LRBA: variants seen among roughly 807,000 people sequenced by gnomAD.
The protein encoded by LRBA is lipopolysaccharide-responsive and beige-like anchor protein.
A neutral mutation model predicts 330.0 loss-of-function variants in LRBA; 176 were observed. The observed-to-expected ratio is 0.53, with a 90% CI of 0.47 to 0.60. The LOEUF is 0.60. Ranked by LOEUF, LRBA falls within the 20% of genes least tolerant of loss-of-function variation. LRBA has a pLI of 0.00. For synonymous variants in LRBA, 1,230 were observed against 1,193.0 expected (o/e 1.03, Z -0.64); for missense variants, 3,259 against 3,444.8 (o/e 0.95, Z 1.35).
At position 150,665,370 on chromosome 4, in the gene LRBA, A is replaced by C. The variant is rs990627467; in HGVS notation, c.5921+18181T>G. Among the ~76,000 whole-genome samples the C allele has an allele frequency of 3.9e-5, 6 of 152,152 alleles. No individual in the cohort carries two copies. The South Asian group carries it at 1.2e-3, about 32-fold the overall frequency. On this transcript the variant is annotated intron_variant, in intron 37 of 56. Transcript: ENST00000651943. ...CCACTCATCATTTATGTAAAGTTCT[A>C]TATCAGTGTAGGGACCTGTTTACTA...
At chr4:150,563,870 C>T (rs1768751303) in intron 40 of LRBA, among the ~76,000 whole-genome samples, 1 of 152,100 alleles carries the variant, frequency 6.6e-6, no homozygotes, top group South Asian at 2.1e-4. Flanking sequence ...AATCACTGTT[C>T]AGTGAAATAA....
intron 33 of LRBA, among the ~76,000 whole-genome samples, chr4:150,800,687 T>A (rs1349044489): frequency 6.6e-6 from 1 of 152,120 alleles, no homozygotes; most frequent in Non-Finnish European, 1.5e-5. Flanking sequence ...CCTATTACTG[T>A]CTCAATCAAA....
At chr4:150,499,015 A>G (rs1453724442) in intron 40 of LRBA, among the ~76,000 whole-genome samples, 2 of 152,186 alleles carry the variant, frequency 1.3e-5, no homozygotes, top group Non-Finnish European at 2.9e-5. Flanking sequence ...ATAAATATGC[A>G]TATAACTTAT....
intron 46 of LRBA, chr4:150,423,527 A>C (rs1191283108): frequency 2.4e-5 from 11 of 450,798 alleles, no homozygotes; most frequent in Middle Eastern, 1.2e-3. Flanking sequence ...GGAGCCACAG[A>C]GACTGGAGGC....
intron 29 of LRBA, among the ~76,000 whole-genome samples, chr4:150,828,925 GTGTGT>G (rs1560878395): frequency 7.9e-4 from 85 of 107,968 alleles, no homozygotes; most frequent in African/African-American, 4.0e-3. Flanking sequence ...TTTTGGGGGT[GTGTGT>G]GTGTGTGTGT....
intron 26 of LRBA, among the ~76,000 whole-genome samples, chr4:150,846,268 C>T (rs1749826145): frequency 6.6e-6 from 1 of 151,904 alleles, no homozygotes; most frequent in Non-Finnish European, 1.5e-5. Context: ...TGGGGGCTCA[C>T]ATCTGTAATC....
At chr4:150,356,902 G>A (rs1327467757) in intron 47 of LRBA, among the ~76,000 whole-genome samples, 3 of 151,992 alleles carry the variant, frequency 2.0e-5, no homozygotes, top group African/African-American at 4.8e-5. Context: ...AATTTTGAGA[G>A]CTTAAAAATA....
At chr4:150,324,407 G>A (rs540021240) in intron 49 of LRBA, among the ~76,000 whole-genome samples, 14 of 152,156 alleles carry the variant, frequency 9.2e-5, no homozygotes, top group African/African-American at 3.1e-4. Flanking sequence ...CACTCTTCAC[G>A]TTCATCTAAA....
chr4:150,783,759 T>G (rs1738611459), intron 34 of LRBA, among the ~76,000 whole-genome samples: 2 of 152,224 alleles, frequency 1.3e-5, no homozygotes, highest in Non-Finnish European at 2.9e-5. Context: ...TCTGGTTAAC[T>G]ACCTAGAAGA....
At chr4:150,780,584 T>G (rs1385121109) in intron 34 of LRBA, among the ~76,000 whole-genome samples, 2 of 150,670 alleles carry the variant, frequency 1.3e-5, no homozygotes, top group African/African-American at 4.9e-5. Context: ...ATGTTCTCAA[T>G]GAGACAATAG....
chr4:150,571,690 G>A (rs1178244204), intron 40 of LRBA, among the ~76,000 whole-genome samples: 4 of 76,660 alleles, frequency 5.2e-5, no homozygotes, highest in African/African-American at 1.9e-4. Context: ...ATTTTCAGTT[G>A]CACTGGACAA....
At position 150,559,165 on chromosome 4, in the gene LRBA, T is replaced by C. The variant is rs114289131; in HGVS notation, c.6330+28883A>G. Among the ~76,000 whole-genome samples, 975 of 152,260 alleles carry C rather than the reference T, an allele frequency of 6.4e-3. 14 individuals are homozygous for C. The highest frequency in any genetic ancestry group is 0.022 in the African/African-American group (920 of 41,544). The stretch of plus-strand genomic sequence containing the variant: ...TAAAAAAAGGAGAGAACTACATTCT[T>C]CAAAATTGGCAATGTCAAGAAAGAC... On this transcript the variant is annotated intron_variant, in intron 40 of 56. Transcript: ENST00000651943.
Position 150,658,877 on chromosome 4 carries a change from G to A in LRBA, c.5921+24674C>T, listed in dbSNP as rs1561483191. Among the ~76,000 whole-genome samples, 4 of 33,758 alleles carry A rather than the reference G, an allele frequency of 1.2e-4. 1 individual carries two copies. Among genetic ancestry groups the A allele is most frequent in the South Asian group, 7.6e-4 (1 of 1,308 alleles). The allele number at this position is 33,758 out of a possible 152,430, so 22.1% of individuals were successfully genotyped here. A position where few individuals can be genotyped will look rare whatever the true frequency, so the allele number is the denominator to read the frequency against. ...ATTCTCCTGCCTCAGTCTGCCGAGCGCCGCCACGCCTGACTGGTTTTGGTG... is the reference window on the plus strand; with the variant it reads ...ATTCTCCTGCCTCAGTCTGCCGAGCACCGCCACGCCTGACTGGTTTTGGTG... On this transcript the variant is annotated intron_variant, in intron 37 of 56. Coordinates refer to ENST00000651943, the MANE Select transcript of LRBA (RefSeq NM_001364905.1).
intron 42 of LRBA, among the ~76,000 whole-genome samples, chr4:150,482,816 T>C (rs927632668): frequency 6.6e-6 from 1 of 152,164 alleles, no homozygotes; most frequent in African/African-American, 2.4e-5. Flanking sequence ...ATTCGGTATC[T>C]ATATCTATTC....
intron 17 of LRBA, among the ~76,000 whole-genome samples, chr4:150,884,114 T>C (rs1455572350): frequency 6.6e-6 from 1 of 152,160 alleles, no homozygotes; most frequent in Non-Finnish European, 1.5e-5. Context: ...GTTTTACCAT[T>C]TGGGGGCTGG....
intron 37 of LRBA, among the ~76,000 whole-genome samples, chr4:150,681,913 G>A (rs1230996740): frequency 6.6e-6 from 1 of 152,110 alleles, no homozygotes; most frequent in Non-Finnish European, 1.5e-5. Context: ...AGCTCTCCAA[G>A]ATATTTTATT....
rs530727760 is a variant in LRBA at position 150,488,766 on chromosome 4, A to T, written c.6449-932T>A. Reference sequence around the variant, plus strand: ...AAAAAATATTTAAAGCCAAAAAAAAAATATACCAATGTTCCTATAGTTTTT... The same window carrying T: ...AAAAAATATTTAAAGCCAAAAAAAATATATACCAATGTTCCTATAGTTTTT... On this transcript the variant is annotated intron_variant, in intron 41 of 56. Coordinates refer to ENST00000651943, the MANE Select transcript of LRBA (RefSeq NM_001364905.1). 1.2e-3 allele frequency among the ~76,000 whole-genome samples: 184 copies of T among 149,082 alleles called. 2 individuals are homozygous for T. Among genetic ancestry groups the T allele is most frequent in the African/African-American group, 4.2e-3 (170 of 40,592 alleles).
intron 40 of LRBA, among the ~76,000 whole-genome samples, chr4:150,537,715 C>CT (rs1282330448): frequency 6.6e-6 from 1 of 152,140 alleles, no homozygotes; most frequent in Admixed American, 6.5e-5. Flanking sequence ...CTTTGGGAGG[C>CT]TAAGGCAGGT....
intron 37 of LRBA, among the ~76,000 whole-genome samples, chr4:150,639,763 ATATATATATATATATATATG>A (rs1318258622): frequency 0.079 from 761 of 9,578 alleles, 78 homozygotes; most frequent in African/African-American, 0.22. Context: ...ATATATATAT[ATATATATATATATATATATG>A]TGTGTGTGTA....
Sources: allele counts gnomAD v4.1 joint callset (sites outside exome capture counted in the v4.1 genomes callset), GRCh38; gene constraint gnomAD v4.1.1; transcripts MANE v1.5; gene names NCBI Gene and HGNC (gene_info 2026-07-23, HGNC 2026-07-21).